Variants in RUBCN observed in about 807,000 individuals in gnomAD.
The protein encoded by RUBCN is run domain Beclin-1-interacting and cysteine-rich domain-containing protein.
RUBCN carries 74 observed loss-of-function variants against 113.2 expected under a neutral mutation model. The ratio of observed to expected loss-of-function variants is 0.65; its 90% CI spans 0.54 to 0.79. The LOEUF (loss-of-function observed/expected upper bound fraction) is 0.79. RUBCN is among the 30% of genes least tolerant of loss of function. RUBCN has a pLI of 0.00. For synonymous variants in RUBCN, 480 were observed against 490.0 expected (o/e 0.98, Z 0.27); for missense variants, 1,109 against 1,251.7 (o/e 0.89, Z 1.72).
At chr3:197,726,694 C>A (rs972302515) in intron 1 of RUBCN, among the ~76,000 whole-genome samples, 2 of 151,336 alleles carry the variant, frequency 1.3e-5, no homozygotes, top group Non-Finnish European at 2.9e-5. Flanking sequence ...GCACCCACCA[C>A]CAAACCCAGC....
upstream of RUBCN, among the ~76,000 whole-genome samples, chr3:197,737,777 G>A (rs1234725378): frequency 6.6e-6 from 1 of 152,190 alleles, no homozygotes; most frequent in Non-Finnish European, 1.5e-5. Context: ...GGTAACGGTG[G>A]AAGGCTAGAT....
At chr3:197,732,753 A>G (rs1727664593) in intron 1 of RUBCN, among the ~76,000 whole-genome samples, 1 of 152,226 alleles carries the variant, frequency 6.6e-6, no homozygotes, top group Non-Finnish European at 1.5e-5. Context: ...CCATCACCTA[A>G]GCACACTACC....
At chr3:197,705,229 A>G in intron 2 of RUBCN, 54 bp from the exon 3 acceptor site, 1 of 1,504,316 alleles carries the variant, frequency 6.6e-7, no homozygotes, top group Non-Finnish European at 9.2e-7. Context: ...GACCAGATCT[A>G]GTTCTAGGGT....
At chr3:197,749,540 T>C in exon 1 of RUBCN, 2 of 1,291,036 alleles carry the variant, frequency 1.5e-6, no homozygotes, top group Middle Eastern at 2.1e-4. Context: ...CGAGGCTGCG[T>C]TGCGGTGGGC....
At chr3:197,688,148 T>C (rs1722047885) in intron 11 of RUBCN, among the ~76,000 whole-genome samples, 1 of 152,192 alleles carries the variant, frequency 6.6e-6, no homozygotes, top group South Asian at 2.1e-4. Flanking sequence ...TGCCTCAGCC[T>C]CCAGAGTGGC....
intron 2 of RUBCN, among the ~76,000 whole-genome samples, chr3:197,711,962 T>C (rs2108940385): frequency 6.6e-6 from 1 of 152,314 alleles, no homozygotes; most frequent in Non-Finnish European, 1.5e-5. Flanking sequence ...ATGGGTGATA[T>C]TTACTTTCTT....
chr3:197,689,953 C>T (rs1165872507), intron 11 of RUBCN, among the ~76,000 whole-genome samples: 1 of 152,238 alleles, frequency 6.6e-6, no homozygotes, highest in East Asian at 1.9e-4. Context: ...CTCTTTACGC[C>T]CCAACCCACC....
chr3:197,685,449 A>G (rs1156918111), intron 11 of RUBCN, among the ~76,000 whole-genome samples: 1 of 152,160 alleles, frequency 6.6e-6, no homozygotes, highest in African/African-American at 2.4e-5. Flanking sequence ...TTTCCTCTGT[A>G]TGCAGATTTT....
rs1721293781 is a variant in RUBCN, at chr3:197,681,935, C to CCA, written c.2127-37_2127-36insTG. The CCA allele has an allele frequency of 6.4e-7, 1 of 1,553,156 alleles. No homozygotes were observed. ...GTAAGGACAGGGCATTGGCACAGAG[C>CCA]AGCTGCGTGAGACCTTGGAGGTGTG... is the stretch of plus-strand genomic sequence containing the variant. On this transcript the variant is annotated intron_variant, in intron 14 of 19. Coordinates refer to ENST00000296343, the MANE Select transcript of RUBCN (RefSeq NM_014687.4). This position sits in a 1 kb window ranked among gnomAD's most constrained non-coding sequence, Gnocchi z 5.5.
rs977603899 is a variant in RUBCN, at chr3:197,668,984, G to A, written c.*6034C>T. Among the ~76,000 whole-genome samples, 2 of 152,038 alleles carry A rather than the reference G, an allele frequency of 1.3e-5. No homozygotes were observed. The highest frequency in any genetic ancestry group is 2.9e-5 in the Non-Finnish European group (2 of 68,002). ...CTAACAGAACCACACTAATTTTTAC[G>A]TATGTTTTCCTTATGTATTTTTTCT... On this transcript the variant is annotated 3_prime_UTR_variant, in exon 20 of 20. Coordinates refer to ENST00000296343, the MANE Select transcript of RUBCN (RefSeq NM_014687.4).
chr3:197,677,188 G>A (rs1041319447), intron 17 of RUBCN, 150 bp from the exon 18 acceptor site: 3 of 879,786 alleles, frequency 3.4e-6, no homozygotes, highest in Middle Eastern at 3.3e-4. Flanking sequence ...GCCGTTCCAC[G>A]CTATTAGGTG....
At chr3:197,720,265 C>T (rs934357042) in intron 1 of RUBCN, among the ~76,000 whole-genome samples, 3 of 152,174 alleles carry the variant, frequency 2.0e-5, no homozygotes, top group African/African-American at 7.2e-5. Context: ...TAGCATGTGA[C>T]AGCTGTCTTT....
upstream of RUBCN, chr3:197,736,921 G>A (rs550045277): frequency 2.2e-6 from 3 of 1,352,818 alleles, no homozygotes; most frequent in Non-Finnish European, 2.8e-6. Flanking sequence ...TTCCGGCTCC[G>A]GGGACTACAG....
chr3:197,735,846 C>T (rs1472927137), intron 1 of RUBCN, among the ~76,000 whole-genome samples: 1 of 152,020 alleles, frequency 6.6e-6, no homozygotes, highest in African/African-American at 2.4e-5. Context: ...CCTCAGCCTC[C>T]CCCAAGGTGC....
intron 1 of RUBCN, among the ~76,000 whole-genome samples, chr3:197,747,363 G>C (rs573145972): frequency 2.9e-4 from 44 of 151,998 alleles, no homozygotes; most frequent in African/African-American, 9.6e-4. Flanking sequence ...CTTTGGTTTG[G>C]GGGAGAAGAT....
At position 197,683,034 on chromosome 3, in the gene RUBCN, C is replaced by T. The variant is rs116673838; in HGVS notation, c.1980+273G>A. Among the ~76,000 whole-genome samples the T allele has an allele frequency of 0.012, 1,862 of 152,330 alleles. 46 individuals carry two copies. Among genetic ancestry groups the T allele is most frequent in the African/African-American group, 0.043 (1,800 of 41,574 alleles). On this transcript the variant is annotated intron_variant, in intron 13 of 19. Transcript: ENST00000296343. The surrounding 1 kb of genome is among the most constrained non-coding windows in gnomAD (Gnocchi z 4.6). ...AAAGAATCCAAGCGATTTACTTTTGCGTAGTGTCTCCGAGGTGGTCACAAA... is the reference window on the plus strand; with the variant it reads ...AAAGAATCCAAGCGATTTACTTTTGTGTAGTGTCTCCGAGGTGGTCACAAA...
intron 5 of RUBCN, among the ~76,000 whole-genome samples, chr3:197,702,479 A>G (rs901205011): frequency 2.6e-5 from 4 of 152,192 alleles, no homozygotes; most frequent in Admixed American, 2.6e-4. Flanking sequence ...CCTGGCCAAC[A>G]TGGTGAAACC....
At chr3:197,676,556 G>T in intron 18 of RUBCN, 1 of 1,141,414 alleles carries the variant, frequency 8.8e-7, no homozygotes, top group Non-Finnish European at 1.1e-6. Flanking sequence ...CAGGTGACCC[G>T]CCCACCTCGG....
At chr3:197,745,661 G>C (rs1728712859) in intron 1 of RUBCN, among the ~76,000 whole-genome samples, 1 of 151,466 alleles carries the variant, frequency 6.6e-6, no homozygotes, top group Admixed American at 6.6e-5. Flanking sequence ...AAGGGGTGAA[G>C]TGTGTAAGAG....
Sources: allele counts gnomAD v4.1 joint callset (sites outside exome capture counted in the v4.1 genomes callset), GRCh38; gene constraint gnomAD v4.1.1; non-coding constraint Gnocchi (gnomAD v3.1); transcripts MANE v1.5; gene names NCBI Gene and HGNC (gene_info 2026-07-23, HGNC 2026-07-21).